Variants in KATNAL1 observed in about 807,000 individuals in gnomAD.
The protein encoded by KATNAL1 is katanin catalytic subunit A1 like 1, also known as katanin p60 ATPase-containing subunit A-like 1.
KATNAL1 carries 32 observed loss-of-function variants against 55.2 expected under a neutral mutation model. The ratio of observed to expected loss-of-function variants is 0.58; its 90% CI spans 0.44 to 0.78. The LOEUF (loss-of-function observed/expected upper bound fraction) is 0.78, where lower values mean the gene tolerates loss of function less well. KATNAL1 is among the 30% of genes least tolerant of loss of function. KATNAL1 has a pLI of 0.00. For missense variants in KATNAL1, 466 were observed against 600.9 expected, an observed-to-expected ratio of 0.78 and a Z score of 2.35; for synonymous variants, 193 against 193.6, an observed-to-expected ratio of 1.00 and a Z score of 0.02.
At chr13:30,225,444 T>C (rs1490563025) in intron 9 of KATNAL1, among the ~76,000 whole-genome samples, 1 of 151,958 alleles carries the variant, frequency 6.6e-6, no homozygotes, top group African/African-American at 2.4e-5. Flanking sequence ...CAAAGCTTGC[T>C]CAAGAAAAAA....
intron 3 of KATNAL1, among the ~76,000 whole-genome samples, chr13:30,262,028 A>C (rs1002244159): frequency 1.7e-4 from 26 of 152,198 alleles, no homozygotes; most frequent in Non-Finnish European, 3.5e-4. Flanking sequence ...CTCTCAGACC[A>C]CAGTGCAATC....
chr13:30,270,824 T>A (rs1447036054), intron 3 of KATNAL1, among the ~76,000 whole-genome samples: 2 of 151,106 alleles, frequency 1.3e-5, no homozygotes, highest in South Asian at 2.1e-4. Flanking sequence ...CTTTGTTCAC[T>A]TGTTTATCTG....
rs560912166 is a variant in KATNAL1, at chr13:30,205,443, T to C, written c.*3097A>G. ...TAGCTTAGTCCTACAGTCATTGTGC[T>C]GCAGAACTCAAAATACTCATGTTTT... On this transcript the variant is annotated 3_prime_UTR_variant, in exon 11 of 11. Transcript: ENST00000380615. 7.9e-5 allele frequency: 12 copies of C among 152,418 alleles called. No individual in the cohort carries two copies. The highest frequency in any genetic ancestry group is 2.9e-4 in the African/African-American group (12 of 41,600). The allele number at this position is 152,418 out of a possible 1,614,324, so 9.4% of individuals were successfully genotyped here. A position where few individuals can be genotyped will look rare whatever the true frequency, so the allele number is the denominator to read the frequency against.
chr13:30,275,464 G>A (rs1001980817), intron 3 of KATNAL1, among the ~76,000 whole-genome samples: 1 of 152,004 alleles, frequency 6.6e-6, no homozygotes, highest in Non-Finnish European at 1.5e-5. Context: ...TGGGATTAAT[G>A]GGACAAACAT....
chr13:30,301,054 T>C (rs551246787), intron 1 of KATNAL1, among the ~76,000 whole-genome samples: 29 of 152,348 alleles, frequency 1.9e-4, no homozygotes, highest in East Asian at 5.8e-4. Context: ...TCTGTTACTG[T>C]GTCTCAAGAT....
intron 9 of KATNAL1, among the ~76,000 whole-genome samples, chr13:30,214,503 A>T (rs1055843172): frequency 2.6e-5 from 4 of 152,050 alleles, no homozygotes; most frequent in African/African-American, 9.7e-5. Context: ...GGAGGCATCA[A>T]GCTACCTGAC....
chr13:30,216,853 T>G (rs1874309775), intron 9 of KATNAL1, among the ~76,000 whole-genome samples: 1 of 152,228 alleles, frequency 6.6e-6, no homozygotes, highest in East Asian at 1.9e-4. Flanking sequence ...CTTTTCATTC[T>G]TACAGACCCA....
chr13:30,208,220 G>A lies in KATNAL1; in HGVS notation c.*320C>T, dbSNP rs45507700. 5,293 of 196,640 alleles carry A rather than the reference G, an allele frequency of 0.027. 104 individuals carry two copies. Among genetic ancestry groups the A allele is most frequent in the Middle Eastern group, 0.038 (20 of 532 alleles). The allele number at this position is 196,640 out of a possible 1,614,324, so 12.2% of individuals were successfully genotyped here. ...AAAAAAAACTGCAAATGAGAAATAG[G>A]GGTATTTCTAAATCTTCTGTATTCC... On this transcript the variant is annotated 3_prime_UTR_variant, in exon 11 of 11. Coordinates refer to ENST00000380615, the MANE Select transcript of KATNAL1 (RefSeq NM_032116.5).
intron 4 of KATNAL1, among the ~76,000 whole-genome samples, chr13:30,241,819 G>A (rs115672895): frequency 0.013 from 2,009 of 152,296 alleles, 36 homozygotes; most frequent in African/African-American, 0.045. Flanking sequence ...ATAAGTGCTG[G>A]AGGAAACTAA....
chr13:30,227,018 G>A (rs938689021), intron 9 of KATNAL1, among the ~76,000 whole-genome samples: 1 of 152,174 alleles, frequency 6.6e-6, no homozygotes, highest in African/African-American at 2.4e-5. Context: ...GGAGGTTGCA[G>A]TGACCTGAGA....
At chr13:30,298,690 C>T (rs1200702513) in intron 1 of KATNAL1, among the ~76,000 whole-genome samples, 1 of 151,968 alleles carries the variant, frequency 6.6e-6, no homozygotes, top group Admixed American at 6.5e-5. Context: ...TATATAGTCA[C>T]TGAAATAAAA....
intron 3 of KATNAL1, among the ~76,000 whole-genome samples, chr13:30,279,785 AC>A (rs1881136901): frequency 1.3e-5 from 2 of 152,248 alleles, no homozygotes; most frequent in South Asian, 4.1e-4. Context: ...CCATTACGAA[AC>A]CCAAAAGACC....
rs532552098 is a variant in KATNAL1 at position 30,207,393 on chromosome 13, T to C, written c.*1147A>G. ...AAGGACAAATTTTAGAATTTTCCAA[T>C]GAACATCATTCACTATGTATGATGC... On this transcript the variant is annotated 3_prime_UTR_variant, in exon 11 of 11. Transcript: ENST00000380615. The C allele has an allele frequency of 1.3e-5, 2 of 152,374 alleles. No homozygotes were observed. Among genetic ancestry groups the C allele is most frequent in the East Asian group, 3.9e-4 (2 of 5,190 alleles). The allele number at this position is 152,374 out of a possible 1,614,324, so 9.4% of individuals were successfully genotyped here. A position where few individuals can be genotyped will look rare whatever the true frequency, so the allele number is the denominator to read the frequency against.
chr13:30,288,637 T>C (rs1881946589), intron 1 of KATNAL1, among the ~76,000 whole-genome samples: 1 of 152,238 alleles, frequency 6.6e-6, no homozygotes, highest in South Asian at 2.1e-4. Flanking sequence ...GAAATACTAT[T>C]GAGTCTGCAT....
chr13:30,210,902 G>A (rs1163971094), intron 9 of KATNAL1, among the ~76,000 whole-genome samples: 2 of 152,094 alleles, frequency 1.3e-5, no homozygotes, highest in Admixed American at 1.3e-4. Flanking sequence ...ACTCTTATCA[G>A]TAGTTTAAAG....
chr13:30,300,670 C>CT (rs1388905584), intron 1 of KATNAL1, among the ~76,000 whole-genome samples: 4 of 152,168 alleles, frequency 2.6e-5, no homozygotes, highest in Non-Finnish European at 5.9e-5. Flanking sequence ...AATGAACCTA[C>CT]TATGTGAGTA....
chr13:30,280,281 A>G (rs1881183124), intron 2 of KATNAL1, 58 bp from the exon 3 acceptor site: 1 of 1,366,844 alleles, frequency 7.3e-7, no homozygotes. Flanking sequence ...CATAAATTGT[A>G]AATAATAAAT....
rs1876511132 is a variant in KATNAL1 at position 30,234,999 on chromosome 13, C to T, written c.727-3527G>A. On this transcript the variant is annotated intron_variant, in intron 6 of 10. Coordinates refer to ENST00000380615, the MANE Select transcript of KATNAL1 (RefSeq NM_032116.5). The stretch of plus-strand genomic sequence containing the variant: ...GGATGACCATGCCAGGAAAACCAAC[C>T]ATGTGATTAGAGAGCTGGGGCTTTG... Among the ~76,000 whole-genome samples the T allele has an allele frequency of 2.6e-5, 4 of 152,266 alleles. 1 individual carries two copies. The highest frequency in any genetic ancestry group is 9.6e-5 in the African/African-American group (4 of 41,546).
rs1873265613 is a variant in KATNAL1, at chr13:30,207,572, T to C, written c.*968A>G. 1 of 151,940 alleles carries C rather than the reference T, an allele frequency of 6.6e-6. No individual in the cohort carries two copies. Among genetic ancestry groups the C allele is most frequent in the Non-Finnish European group, 1.5e-5 (1 of 68,004 alleles). The allele number at this position is 151,940 out of a possible 1,614,324, so 9.4% of individuals were successfully genotyped here. ...CAAACAATGCTGGAGCTGAGAAAAATAATGGCTATATATCTGGTTGAACAT... is the reference window on the plus strand; with the variant it reads ...CAAACAATGCTGGAGCTGAGAAAAACAATGGCTATATATCTGGTTGAACAT... On this transcript the variant is annotated 3_prime_UTR_variant, in exon 11 of 11. Coordinates refer to ENST00000380615, the MANE Select transcript of KATNAL1 (RefSeq NM_032116.5).
Sources: allele counts gnomAD v4.1 joint callset (sites outside exome capture counted in the v4.1 genomes callset), GRCh38; gene constraint gnomAD v4.1.1; transcripts MANE v1.5; gene names NCBI Gene and HGNC (gene_info 2026-07-23, HGNC 2026-07-21).